Variants in ALKBH3 observed in about 807,000 individuals in gnomAD.
ALKBH3 encodes alpha-ketoglutarate-dependent dioxygenase alkB homolog 3.
ALKBH3 carries 51 observed loss-of-function variants against 43.9 expected under a neutral mutation model. The ratio of observed to expected loss-of-function variants is 1.16; its 90% confidence interval spans 0.93 to 1.47. The LOEUF (loss-of-function observed/expected upper bound fraction) is 1.47. Ranked by LOEUF, ALKBH3 falls within the 40% of genes most tolerant of loss-of-function variation. The pLI is 0.00. For missense variants in ALKBH3, 361 were observed against 351.9 expected, an observed-to-expected ratio of 1.03 and a Z score of -0.21; for synonymous variants, 102 against 115.2, an observed-to-expected ratio of 0.89 and a Z score of 0.73.
intron 7 of ALKBH3, among the ~76,000 whole-genome samples, chr11:43,896,595 A>G (rs1951820733): frequency 6.6e-6 from 1 of 152,120 alleles, no homozygotes; most frequent in African/African-American, 2.4e-5. Context: ...ACTGACTCAA[A>G]TGTTAATCTC....
chr11:43,892,891 A>G (rs1441416788), intron 7 of ALKBH3, among the ~76,000 whole-genome samples: 1 of 152,240 alleles, frequency 6.6e-6, no homozygotes, highest in East Asian at 1.9e-4. Context: ...TTTCAGGGAG[A>G]AAACATTGAC....
chr11:43,886,038 G>C (rs1951744426), intron 4 of ALKBH3, among the ~76,000 whole-genome samples: 1 of 152,200 alleles, frequency 6.6e-6, no homozygotes, highest in African/African-American at 2.4e-5. Flanking sequence ...TAGAAACGTA[G>C]TGGTGTATTC....
chr11:43,886,745 C>A, intron 5 of ALKBH3, 92 bp downstream of exon 5: 1 of 1,229,792 alleles, frequency 8.1e-7, no homozygotes, highest in Admixed American at 1.9e-5. Context: ...AAATGTAGTA[C>A]ATATACATTA....
intron 7 of ALKBH3, chr11:43,899,632 C>CCTCT (rs1182936179): frequency 2.3e-5 from 11 of 486,050 alleles, no homozygotes; most frequent in Admixed American, 1.0e-4. Context: ...CTCCACCCTC[C>CCTCT]CGCCGAGCAG....
Position 43,919,054 on chromosome 11 carries a change from A to G in ALKBH3, c.686A>G (p.Tyr229Cys). The change falls in exon 9 of 10, where the codon TAC becomes TGC. Residue 229 changes from tyrosine (Y) to cysteine (C), a missense_variant. By Grantham distance (194) the Tyr-to-Cys change is radical. Coordinates refer to ENST00000302708, the MANE Select transcript of ALKBH3 (RefSeq NM_139178.4). Reference sequence around the variant, plus strand: ...GTTTTCTAGGAAGAGAATGGAGACTACACATATGTGGAAAGAGTGAAGATA... The same window carrying G: ...GTTTTCTAGGAAGAGAATGGAGACTGCACATATGTGGAAAGAGTGAAGATA... ...KKPPPEENGD[Y>C]TYVERVKIPL... 1 of 1,608,470 alleles carries G rather than the reference A, an allele frequency of 6.2e-7. No individual in the cohort carries two copies. Among genetic ancestry groups the G allele is most frequent in the East Asian group, 2.2e-5 (1 of 44,872 alleles).
At chr11:43,884,373 C>T (rs1951733638) in intron 4 of ALKBH3, among the ~76,000 whole-genome samples, 2 of 103,708 alleles carry the variant, frequency 1.9e-5, no homozygotes, top group Admixed American at 1.4e-4. Flanking sequence ...CATTAATTGC[C>T]TCTTTTTTTT....
Position 43,890,527 on chromosome 11 carries a change from C to G in ALKBH3, c.370+699C>G, listed in dbSNP as rs548387746. Among the ~76,000 whole-genome samples, 6 of 152,184 alleles carry G rather than the reference C, an allele frequency of 3.9e-5. No individual in the cohort carries two copies. In the South Asian group the frequency reaches 1.0e-3, roughly 26 times the overall value. On this transcript the variant is annotated intron_variant, in intron 6 of 9. Coordinates refer to ENST00000302708, the MANE Select transcript of ALKBH3 (RefSeq NM_139178.4). ...CCCTCAGTATCCACAGGGGATTGTT[C>G]CCTGTGGATACTGAAATTCATGTAT...
At chr11:43,884,314 A>G (rs1331378557) in intron 4 of ALKBH3, among the ~76,000 whole-genome samples, 11 of 151,850 alleles carry the variant, frequency 7.2e-5, no homozygotes, top group Non-Finnish European at 1.5e-4. Flanking sequence ...TCAGGCAAAG[A>G]CAGAGAGGGA....
chr11:43,913,123 C>CAAGTA (rs1951954123), intron 8 of ALKBH3, among the ~76,000 whole-genome samples: 1 of 135,190 alleles, frequency 7.4e-6, no homozygotes, highest in Non-Finnish European at 1.6e-5. Context: ...AAAAAAAAAA[C>CAAGTA]AAGTACAGGC....
intron 4 of ALKBH3, among the ~76,000 whole-genome samples, chr11:43,886,077 G>A (rs1351380713): frequency 6.6e-6 from 1 of 152,170 alleles, no homozygotes; most frequent in Non-Finnish European, 1.5e-5. Flanking sequence ...GATTGCTGCT[G>A]GAGGATGATG....
chr11:43,886,672 G>C lies in ALKBH3; in HGVS notation c.266+19G>C. 2 of 1,610,910 alleles carry C rather than the reference G, an allele frequency of 1.2e-6. No homozygotes were observed. Among genetic ancestry groups the C allele is most frequent in the African/African-American group, 2.7e-5 (2 of 74,926 alleles). Reference sequence around the variant, plus strand: ...TATCTAGGTAAGCAAATCCTCACAAGAAGTGACCGTAATTATCACTGAGTT... The same window carrying C: ...TATCTAGGTAAGCAAATCCTCACAACAAGTGACCGTAATTATCACTGAGTT... On this transcript the variant is annotated intron_variant, in intron 5 of 9. Transcript: ENST00000302708.
intron 7 of ALKBH3, among the ~76,000 whole-genome samples, chr11:43,900,474 G>T (rs542269127): frequency 9.9e-5 from 15 of 151,948 alleles, no homozygotes; most frequent in African/African-American, 3.1e-4. Flanking sequence ...CACCCGCCTC[G>T]GCCTCCCAAA....
At chr11:43,898,161 C>T in intron 7 of ALKBH3, 1 of 1,231,274 alleles carries the variant, frequency 8.1e-7, no homozygotes, top group Non-Finnish European at 1.2e-6. Context: ...CTGACTACAT[C>T]AAGAGATACC....
chr11:43,899,558 GC>G, intron 7 of ALKBH3: 1 of 658,276 alleles, frequency 1.5e-6, no homozygotes, highest in East Asian at 2.9e-5. Flanking sequence ...ATGATTTCCA[GC>G]TAGTGCCGCA....
At position 43,908,731 on chromosome 11, in the gene ALKBH3, C is replaced by T. The variant is rs991410855; in HGVS notation, c.669+7006C>T. 3.3e-5 allele frequency among the ~76,000 whole-genome samples: 5 copies of T among 152,176 alleles called. No individual in the cohort carries two copies. In the South Asian group the frequency reaches 6.2e-4, roughly 19 times the overall value. On this transcript the variant is annotated intron_variant, in intron 8 of 9. Coordinates refer to ENST00000302708, the MANE Select transcript of ALKBH3 (RefSeq NM_139178.4). ...CCCCACCCTATCCCTAGTATTATTG[C>T]AGCAATAAGTCTGAACAGTAAACGC...
intron 4 of ALKBH3, among the ~76,000 whole-genome samples, chr11:43,885,783 A>G (rs764898349): frequency 6.6e-6 from 1 of 152,262 alleles, no homozygotes; most frequent in Non-Finnish European, 1.5e-5. Flanking sequence ...TAGACATTTA[A>G]TCAGATAAAT....
chr11:43,901,625 G>T lies in ALKBH3; in HGVS notation c.569G>T (p.Trp190Leu). 6.2e-7 allele frequency: 1 copy of T among 1,614,218 alleles called. No individual in the cohort carries two copies. The highest frequency in any genetic ancestry group is 1.1e-5 in the South Asian group (1 of 91,084). Residue 190 changes from tryptophan to leucine, a missense_variant, in exon 8 of 10, where the codon TGG becomes TTG. By Grantham distance (61) the Trp-to-Leu change is moderately conservative (BLOSUM62 -2). Coordinates refer to ENST00000302708, the MANE Select transcript of ALKBH3 (RefSeq NM_139178.4). ...CGCAATGAGAAGGACAGCGTGGACT[G>T]GCACAGTGATGATGAACCCTCACTA... ...LYRNEKDSVD[W>L]HSDDEPSLGR...
intron 8 of ALKBH3, among the ~76,000 whole-genome samples, chr11:43,905,448 T>TG (rs895827849): frequency 1.3e-5 from 2 of 152,146 alleles, no homozygotes; most frequent in Non-Finnish European, 2.9e-5. Context: ...TTTTGTTTTT[T>TG]TTTTTCACTG....
At chr11:43,906,318 G>A (rs1034046291) in intron 8 of ALKBH3, among the ~76,000 whole-genome samples, 4 of 152,148 alleles carry the variant, frequency 2.6e-5, no homozygotes, top group African/African-American at 9.7e-5. Context: ...AAAAAGGTCA[G>A]TCAAGTCATA....
Sources: gnomAD v4.1 joint callset for allele counts (sites outside exome capture counted in the v4.1 genomes callset) on GRCh38, gnomAD v4.1.1 for gene constraint, MANE v1.5 for transcripts, NCBI Gene and HGNC (gene_info 2026-07-23, HGNC 2026-07-21) for gene names.